Variants in AGAP1 observed in about 807,000 individuals in gnomAD.
AGAP1 encodes the protein arf-GAP with GTPase, ANK repeat and PH domain-containing protein 1.
A neutral mutation model predicts 105.3 loss-of-function variants in AGAP1; 29 were observed. That is an observed-to-expected ratio of 0.28 (90% confidence interval 0.21 to 0.38). The LOEUF (loss-of-function observed/expected upper bound fraction) is 0.38. Among genes scored for constraint, AGAP1 ranks in the 10% least tolerant of loss-of-function variants. AGAP1 has a pLI of 1.00. For missense variants in AGAP1, 998 were observed against 1,165.1 expected (o/e 0.86, Z 2.09); for synonymous variants, 509 against 485.9 (o/e 1.05, Z -0.63).
Position 236,069,242 on chromosome 2 carries a change from A to C in AGAP1, c.2114+19961A>C, listed in dbSNP as rs552189820. ...ATAGTTACATTATATAAAATACATG[A>C]TTTTGTCGTGTACACGTGACAATGC... On this transcript the variant is annotated intron_variant, in intron 16 of 17. Coordinates refer to ENST00000304032, the MANE Select transcript of AGAP1 (RefSeq NM_001037131.3). Among the ~76,000 whole-genome samples, 6 of 152,290 alleles carry C rather than the reference A, an allele frequency of 3.9e-5. No homozygotes were observed. The East Asian group carries it at 1.2e-3, about 29-fold the overall frequency.
At chr2:235,914,400 G>A (rs963683147) in intron 11 of AGAP1, among the ~76,000 whole-genome samples, 4 of 152,082 alleles carry the variant, frequency 2.6e-5, no homozygotes, top group African/African-American at 9.7e-5. Flanking sequence ...ACACTCAAGT[G>A]GGGGTGGAGG....
chr2:236,025,503 C>G (rs1249569419), intron 13 of AGAP1, among the ~76,000 whole-genome samples: 1 of 152,148 alleles, frequency 6.6e-6, no homozygotes, highest in Admixed American at 6.5e-5. Flanking sequence ...CCTGTTCTCT[C>G]CACACAGAAG....
intron 13 of AGAP1, among the ~76,000 whole-genome samples, chr2:235,991,761 T>C (rs2055572991): frequency 1.3e-5 from 2 of 152,218 alleles, no homozygotes; most frequent in African/African-American, 4.8e-5. Flanking sequence ...TTCCCAAATC[T>C]AATGAAGAAG....
intron 9 of AGAP1, among the ~76,000 whole-genome samples, chr2:235,848,267 A>G (rs955845420): frequency 1.3e-5 from 2 of 152,172 alleles, no homozygotes; most frequent in South Asian, 2.1e-4. Flanking sequence ...CCGTCCACCT[A>G]TTAGAGCCAC....
In AGAP1 at chr2:235,792,356, A is replaced by G. The variant is rs73126443; in HGVS notation, c.674-5403A>G. 2.7e-3 allele frequency among the ~76,000 whole-genome samples: 417 copies of G among 152,268 alleles called. 1 individual carries two copies. The highest frequency in any genetic ancestry group is 9.4e-3 in the African/African-American group (391 of 41,546). ...TCATCTGCCTATTCCAGGAGAGACT[A>G]TGGTCCTTATCCAGTAGTACTAATG... On this transcript the variant is annotated intron_variant, in intron 6 of 17. Transcript: ENST00000304032. This position sits in a 1 kb window ranked among gnomAD's most constrained non-coding sequence, Gnocchi z 5.3.
At position 235,799,266 on chromosome 2, in the gene AGAP1, C is replaced by G; in HGVS notation, c.802-101C>G. On this transcript the variant is annotated intron_variant, in intron 7 of 17. Transcript: ENST00000304032. This position sits in a 1 kb window ranked among gnomAD's most constrained non-coding sequence, Gnocchi z 5.0. ...GTCAGCCATTCCCATGCATCCCTTC[C>G]ATGGGGCTCATGCTCACTTGTTGGT... 7.3e-7 allele frequency: 1 copy of G among 1,379,300 alleles called. No homozygotes were observed. The highest frequency in any genetic ancestry group is 1.3e-5 in the South Asian group (1 of 75,440). 85.4% of individuals were successfully genotyped at this position (1,379,300 alleles called of 1,614,324 possible). A position where few individuals can be genotyped will look rare whatever the true frequency, so the allele number is the denominator to read the frequency against.
intron 10 of AGAP1, among the ~76,000 whole-genome samples, chr2:235,895,314 C>T (rs1237726139): frequency 2.0e-5 from 3 of 151,654 alleles, no homozygotes; most frequent in Non-Finnish European, 2.9e-5. Context: ...GGTTGATGTC[C>T]GTGCCCCTGC....
intron 1 of AGAP1, among the ~76,000 whole-genome samples, chr2:235,619,830 A>G (rs1409334831): frequency 6.6e-6 from 1 of 152,136 alleles, no homozygotes; most frequent in African/African-American, 2.4e-5. Context: ...TGTCTGGGCA[A>G]TTCTGCATTG....
chr2:235,757,995 AAG>A (rs1368544153), intron 6 of AGAP1, among the ~76,000 whole-genome samples: 1 of 152,156 alleles, frequency 6.6e-6, no homozygotes, highest in African/African-American at 2.4e-5. Flanking sequence ...TGTGCTGTTA[AAG>A]GATGTATCAG....
At chr2:236,052,878 A>G (rs1490500908) in intron 16 of AGAP1, among the ~76,000 whole-genome samples, 3 of 152,130 alleles carry the variant, frequency 2.0e-5, no homozygotes, top group Admixed American at 6.5e-5. Context: ...TCCCCTCTCT[A>G]ATTGCTATTG....
Position 235,549,730 on chromosome 2 carries a change from T to C in AGAP1, c.163+54881T>C, listed in dbSNP as rs12475387. On this transcript the variant is annotated intron_variant, in intron 1 of 17. Coordinates refer to ENST00000304032, the MANE Select transcript of AGAP1 (RefSeq NM_001037131.3). The surrounding 1 kb of genome is among the most constrained non-coding windows in gnomAD (Gnocchi z 4.2). ...AGCATTCACATGCATTTAAGAGTGC[T>C]CTTAGCAGTTCGCGTTCTATATAGA... 0.25 allele frequency among the ~76,000 whole-genome samples: 37,605 copies of C among 152,222 alleles called. 5,199 individuals carry two copies. The highest frequency in any genetic ancestry group is 0.44 in the East Asian group (2,253 of 5,174).
intron 2 of AGAP1, among the ~76,000 whole-genome samples, chr2:235,711,617 G>T (rs1254661749): frequency 6.6e-6 from 1 of 152,170 alleles, no homozygotes. Flanking sequence ...GGATGGACGA[G>T]ATCCTGGCAG....
At chr2:236,026,567 A>G (rs546591345) in intron 13 of AGAP1, among the ~76,000 whole-genome samples, 20 of 152,220 alleles carry the variant, frequency 1.3e-4, no homozygotes, top group African/African-American at 4.8e-4. Context: ...CAGCTCTACT[A>G]AAAATACAAA....
At chr2:235,510,784 A>T (rs916368055) in intron 1 of AGAP1, among the ~76,000 whole-genome samples, 23 of 151,744 alleles carry the variant, frequency 1.5e-4, no homozygotes, top group African/African-American at 5.3e-4. Flanking sequence ...TCTTGTACTG[A>T]TGAGGGGGGT....
At position 235,958,947 on chromosome 2, in the gene AGAP1, T is replaced by G. The variant is rs1423023006; in HGVS notation, c.1484-9515T>G. ...CATTATTGCTCGTATTATATATTTT[T>G]TGGGGTGTGCGTTGAACATTGATGC... On this transcript the variant is annotated intron_variant, in intron 12 of 17. Coordinates refer to ENST00000304032, the MANE Select transcript of AGAP1 (RefSeq NM_001037131.3). The surrounding 1 kb of genome is among the most constrained non-coding windows in gnomAD (Gnocchi z 4.1). 1.3e-5 allele frequency among the ~76,000 whole-genome samples: 2 copies of G among 152,220 alleles called. No homozygotes were observed. The highest frequency in any genetic ancestry group is 4.8e-5 in the African/African-American group (2 of 41,454).
At chr2:235,770,161 T>C (rs1483014226) in intron 6 of AGAP1, among the ~76,000 whole-genome samples, 1 of 140,282 alleles carries the variant, frequency 7.1e-6, no homozygotes, top group African/African-American at 2.5e-5. Flanking sequence ...GGAGTCTCAC[T>C]GTATCGCCCA....
Position 235,983,653 on chromosome 2 carries a change from G to T in AGAP1, c.1645+15030G>T, listed in dbSNP as rs1212704377. ...GATTATAATACCGTGTCCTTACTGT[G>T]CCTTTTCTATGGTTAGATGTTTAAA... is the stretch of plus-strand genomic sequence containing the variant. On this transcript the variant is annotated intron_variant, in intron 13 of 17. Coordinates refer to ENST00000304032, the MANE Select transcript of AGAP1 (RefSeq NM_001037131.3). The surrounding 1 kb of genome is among the most constrained non-coding windows in gnomAD (Gnocchi z 4.5). 6.6e-6 allele frequency among the ~76,000 whole-genome samples: 1 copy of T among 152,090 alleles called. No individual in the cohort carries two copies. The highest frequency in any genetic ancestry group is 2.4e-5 in the African/African-American group (1 of 41,416).
chr2:235,949,886 T>A (rs1335789945), intron 12 of AGAP1, among the ~76,000 whole-genome samples: 36 of 152,090 alleles, frequency 2.4e-4, no homozygotes, highest in Non-Finnish European at 1.3e-4. Flanking sequence ...AAAAATAGAC[T>A]CCCTCGCCTA....
chr2:235,991,828 C>T (rs2055575057), intron 13 of AGAP1, among the ~76,000 whole-genome samples: 1 of 152,176 alleles, frequency 6.6e-6, no homozygotes, highest in African/African-American at 2.4e-5. Flanking sequence ...CTTCTCATTG[C>T]TCCGACTTTG....
Sources: allele counts gnomAD v4.1 joint callset (sites outside exome capture counted in the v4.1 genomes callset), GRCh38; gene constraint gnomAD v4.1.1; non-coding constraint Gnocchi (gnomAD v3.1); transcripts MANE v1.5; gene names NCBI Gene and HGNC (gene_info 2026-07-23, HGNC 2026-07-21).